Variants in PTPRT observed in about 807,000 individuals in gnomAD.
PTPRT encodes protein tyrosine phosphatase receptor type T, also known as receptor-type tyrosine-protein phosphatase T.
A neutral mutation model predicts 176.8 loss-of-function variants in PTPRT; 56 were observed. The observed-to-expected ratio is 0.32, with a 90% CI of 0.26 to 0.40. PTPRT has a LOEUF of 0.40. Among genes scored for constraint, PTPRT ranks in the 10% least tolerant of loss-of-function variants. The pLI is 1.00. For missense variants in PTPRT, 1,540 were observed against 1,908.2 expected (o/e 0.81, Z 3.60); for synonymous variants, 783 against 739.0 (o/e 1.06, Z -0.96).
chr20:42,261,459 T>C (rs1363578435), intron 13 of PTPRT, among the ~76,000 whole-genome samples: 1 of 149,516 alleles, frequency 6.7e-6, no homozygotes, highest in Non-Finnish European at 1.5e-5. Context: ...CATATCCTTT[T>C]GGGGAACACA....
intron 2 of PTPRT, among the ~76,000 whole-genome samples, chr20:42,823,937 G>A (rs1219120891): frequency 6.6e-6 from 1 of 151,630 alleles, no homozygotes; most frequent in East Asian, 1.9e-4. Flanking sequence ...TAAGATGAGT[G>A]GTTAAAAAAC....
intron 7 of PTPRT, among the ~76,000 whole-genome samples, chr20:42,513,198 TGG>T (rs1431429599): frequency 4.0e-5 from 5 of 125,550 alleles, no homozygotes; most frequent in Admixed American, 1.7e-4. Flanking sequence ...TCTCTATTGA[TGG>T]GGTGTGTGTG....
chr20:42,905,360 C>A (rs996975693), intron 1 of PTPRT, among the ~76,000 whole-genome samples: 12 of 152,206 alleles, frequency 7.9e-5, no homozygotes, highest in Non-Finnish European at 1.6e-4. Flanking sequence ...ATCAAAACCA[C>A]AATGACATAC....
intron 7 of PTPRT, among the ~76,000 whole-genome samples, chr20:42,533,048 G>A (rs188869606): frequency 5.9e-5 from 9 of 152,208 alleles, no homozygotes; most frequent in South Asian, 2.1e-4. Flanking sequence ...AAAACAGCTC[G>A]ATTCTAAATG....
At chr20:42,583,859 T>G (rs901059617) in intron 7 of PTPRT, among the ~76,000 whole-genome samples, 10 of 152,218 alleles carry the variant, frequency 6.6e-5, no homozygotes, top group African/African-American at 2.4e-4. Context: ...CCCCTTTGAC[T>G]CCTTTCTTTC....
At chr20:42,402,985 G>A (rs535927250) in intron 9 of PTPRT, among the ~76,000 whole-genome samples, 6 of 152,194 alleles carry the variant, frequency 3.9e-5, no homozygotes, top group Admixed American at 2.6e-4. Context: ...TTTTAAGAAG[G>A]CAATCATTAT....
intron 9 of PTPRT, among the ~76,000 whole-genome samples, chr20:42,396,292 A>C (rs1432325166): frequency 1.3e-5 from 2 of 152,094 alleles, no homozygotes; most frequent in African/African-American, 2.4e-5. Flanking sequence ...GCTTTATCTT[A>C]AAACTACATC....
intron 26 of PTPRT, among the ~76,000 whole-genome samples, chr20:42,100,614 G>A (rs1985839559): frequency 6.6e-6 from 1 of 152,216 alleles, no homozygotes; most frequent in Admixed American, 6.5e-5. Context: ...TTGCCTGGAT[G>A]AGGAAGGCAG....
intron 9 of PTPRT, among the ~76,000 whole-genome samples, chr20:42,364,645 C>T (rs2058490248): frequency 6.6e-6 from 1 of 152,170 alleles, no homozygotes; most frequent in African/African-American, 2.4e-5. Flanking sequence ...GAAGCAGACA[C>T]ACAGCAGGTG....
intron 1 of PTPRT, among the ~76,000 whole-genome samples, chr20:42,954,361 T>C (rs1981482128): frequency 6.6e-6 from 1 of 152,058 alleles, no homozygotes; most frequent in Non-Finnish European, 1.5e-5. Flanking sequence ...GAGGGAGGAA[T>C]TGATGGAAGA....
intron 8 of PTPRT, among the ~76,000 whole-genome samples, chr20:42,448,805 T>G (rs1206707039): frequency 6.6e-6 from 1 of 151,902 alleles, no homozygotes; most frequent in Non-Finnish European, 1.5e-5. Flanking sequence ...GAAGAAGAAT[T>G]ATTATTGTAG....
chr20:42,822,962 T>C (rs1030360403), intron 2 of PTPRT, among the ~76,000 whole-genome samples: 2 of 152,122 alleles, frequency 1.3e-5, no homozygotes, highest in Admixed American at 6.6e-5. Context: ...TAACAACCAT[T>C]GTTGAAAACA....
At chr20:42,493,928 C>T (rs761279020) in intron 7 of PTPRT, among the ~76,000 whole-genome samples, 6 of 151,584 alleles carry the variant, frequency 4.0e-5, no homozygotes, top group Middle Eastern at 3.5e-3. Flanking sequence ...ATTTAACCTC[C>T]CCATCTTCAG....
chr20:42,235,684 C>T (rs1487902242), intron 15 of PTPRT, among the ~76,000 whole-genome samples: 1 of 152,150 alleles, frequency 6.6e-6, no homozygotes, highest in Admixed American at 6.5e-5. Context: ...ATGCTAAACA[C>T]CAAACACATA....
rs545494441 is a variant in PTPRT, at chr20:42,379,279, TATTGCAGGAAG to T, written c.1561-27005_1561-26995del. Among the ~76,000 whole-genome samples, 8 of 152,360 alleles carry T rather than the reference TATTGCAGGAAG, an allele frequency of 5.3e-5. No homozygotes were observed. The East Asian group carries it at 1.5e-3, about 29-fold the overall frequency. ...ACTCAAGTCCCGGGTCAAGCCCCTT[TATTGCAGGAAG>T]ATTTCCCTGAATCTCTAGGCTGGTG... On this transcript the variant is annotated intron_variant, in intron 9 of 30. Coordinates refer to ENST00000373187, the MANE Select transcript of PTPRT (RefSeq NM_007050.6).
intron 11 of PTPRT, among the ~76,000 whole-genome samples, chr20:42,325,636 T>C (rs2057870971): frequency 6.6e-6 from 1 of 152,166 alleles, no homozygotes; most frequent in South Asian, 2.1e-4. Context: ...ATTATTGTAA[T>C]AGCCTCCCAA....
intron 6 of PTPRT, among the ~76,000 whole-genome samples, chr20:42,736,892 C>T (rs2076549066): frequency 6.6e-6 from 1 of 152,218 alleles, no homozygotes; most frequent in African/African-American, 2.4e-5. Flanking sequence ...TGCTGTGAAT[C>T]TGTGGTCACT....
chr20:42,463,225 C>CTT (rs112889691), intron 8 of PTPRT, among the ~76,000 whole-genome samples: 1 of 151,936 alleles, frequency 6.6e-6, no homozygotes, highest in African/African-American at 2.4e-5. Flanking sequence ...CAAAAAATTC[C>CTT]TTTTTTTGTC....
intron 7 of PTPRT, among the ~76,000 whole-genome samples, chr20:42,589,587 T>C (rs576403343): frequency 1.5e-4 from 23 of 152,286 alleles, no homozygotes; most frequent in Middle Eastern, 3.4e-3. Context: ...ATGGGAACTT[T>C]ATGATAAAGA....
Sources: gnomAD v4.1 joint callset for allele counts (sites outside exome capture counted in the v4.1 genomes callset) on GRCh38, gnomAD v4.1.1 for gene constraint, MANE v1.5 for transcripts, NCBI Gene and HGNC (gene_info 2026-07-23, HGNC 2026-07-21) for gene names.